The following RCAN1 variants were observed in gnomAD, a reference collection of about 807,000 sequenced individuals.
RCAN1 encodes the protein calcipressin-1.
RCAN1 carries 11 observed loss-of-function variants against 22.9 expected under a neutral mutation model. That is an observed-to-expected ratio of 0.48 (90% CI 0.30 to 0.79). The LOEUF is 0.79. Ranked by LOEUF, RCAN1 falls within the 30% of genes least tolerant of loss-of-function variation. The probability of loss-of-function intolerance (pLI) is 0.06; values close to 1 mark genes in which losing one functional copy is unlikely to be tolerated. For missense variants in RCAN1, 291 were observed against 337.8 expected (o/e 0.86, Z 1.09); for synonymous variants, 136 against 142.3 (o/e 0.96, Z 0.32).
chr21:34,523,619 T>C lies in RCAN1; in HGVS notation c.344A>G (p.Asn115Ser). 1.2e-6 allele frequency: 2 copies of C among 1,614,052 alleles called. No individual in the cohort carries two copies. Among genetic ancestry groups the C allele is most frequent in the East Asian group, 2.2e-5 (1 of 44,874 alleles). Residue 115 changes from asparagine (N) to serine (S), a missense_variant, in exon 2 of 4, where the codon AAC (asparagine) becomes AGC (serine). Coordinates refer to ENST00000313806, the MANE Select transcript of RCAN1 (RefSeq NM_004414.7). ...SFKRVRINFS[N>S]PFSAADARLQ... The stretch of plus-strand genomic sequence containing the variant: ...CCTGGCATCTGCTGCGGAGAAGGGG[T>C]TGCTGAAGTTTATTCTGACTCGTTT...
intron 1 of RCAN1, among the ~76,000 whole-genome samples, chr21:34,571,831 A>C (rs1326442811): frequency 6.6e-6 from 1 of 152,234 alleles, no homozygotes; most frequent in African/African-American, 2.4e-5. Context: ...TACAGGTGTG[A>C]GCCACTGTGC....
Position 34,521,677 on chromosome 21 carries a change from C to T in RCAN1, c.427-19G>A. On this transcript the variant is annotated intron_variant, in intron 2 of 3. Transcript: ENST00000313806. ...GTAAGGTCTGAGGAGAGAAAATAAG[C>T]ACAGGTCAGTTGTTGCCAGGGAAGA... 6.3e-7 allele frequency: 1 copy of T among 1,593,314 alleles called. No individual in the cohort carries two copies. Among genetic ancestry groups the T allele is most frequent in the South Asian group, 1.1e-5 (1 of 87,020 alleles).
intron 1 of RCAN1, among the ~76,000 whole-genome samples, chr21:34,538,576 C>T (rs1038285208): frequency 1.3e-5 from 2 of 152,020 alleles, no homozygotes; most frequent in East Asian, 1.9e-4. Flanking sequence ...GTTATTAGGA[C>T]GAGTGGTGGG....
At chr21:34,531,332 C>T (rs1305290961) in intron 1 of RCAN1, among the ~76,000 whole-genome samples, 1 of 152,194 alleles carries the variant, frequency 6.6e-6, no homozygotes, top group African/African-American at 2.4e-5. Flanking sequence ...CTATGCCCGC[C>T]TTGGGCCAAT....
chr21:34,539,623 G>A (rs1267770117), intron 1 of RCAN1, among the ~76,000 whole-genome samples: 7 of 152,280 alleles, frequency 4.6e-5, no homozygotes, highest in East Asian at 1.9e-4. Flanking sequence ...CAAGGTAACC[G>A]TGGTTAACAG....
chr21:34,558,037 G>T (rs1385583878), intron 1 of RCAN1, among the ~76,000 whole-genome samples: 1 of 152,208 alleles, frequency 6.6e-6, no homozygotes, highest in Non-Finnish European at 1.5e-5. Context: ...AAATAGTGAA[G>T]AATAATCCAT....
intron 2 of RCAN1, chr21:34,521,884 G>A: frequency 1.9e-6 from 1 of 538,518 alleles, no homozygotes; most frequent in Non-Finnish European, 3.3e-6. Context: ...AGGGCTATGG[G>A]AGTCACAGGC....
At chr21:34,595,905 A>C (rs1988134885) in intron 1 of RCAN1, among the ~76,000 whole-genome samples, 1 of 152,212 alleles carries the variant, frequency 6.6e-6, no homozygotes. Context: ...GGGGTCCCCC[A>C]CACAGTCCAT....
chr21:34,536,702 C>T (rs974430448), intron 1 of RCAN1, among the ~76,000 whole-genome samples: 1 of 151,812 alleles, frequency 6.6e-6, no homozygotes, highest in African/African-American at 2.4e-5. Context: ...TGAATGTCAG[C>T]GGAGGAGTAA....
chr21:34,615,021 C>A lies in RCAN1; in HGVS notation c.-10G>T. Reference sequence around the variant, plus strand: ...CCACGCCGTCCTCCATCCCCGCGCCCGCGCGACCCTGTGCGCCCCAGCGGG... The same window carrying A: ...CCACGCCGTCCTCCATCCCCGCGCCAGCGCGACCCTGTGCGCCCCAGCGGG... On this transcript the variant is annotated 5_prime_UTR_variant, in exon 1 of 4. Transcript: ENST00000313806. The A allele has an allele frequency of 9.5e-7, 1 of 1,051,458 alleles. No homozygotes were observed. The highest frequency in any genetic ancestry group is 4.4e-5 in the South Asian group (1 of 22,800). 65.1% of individuals were successfully genotyped at this position (1,051,458 alleles called of 1,614,324 possible). A position where few individuals can be genotyped will look rare whatever the true frequency, so the allele number is the denominator to read the frequency against.
intron 1 of RCAN1, among the ~76,000 whole-genome samples, chr21:34,541,508 T>C (rs1444141587): frequency 6.6e-6 from 1 of 152,260 alleles, no homozygotes; most frequent in Admixed American, 6.5e-5. Context: ...AGGACATATA[T>C]ACTTTACTCA....
Position 34,574,792 on chromosome 21 carries a change from G to T in RCAN1, c.252+39968C>A, listed in dbSNP as rs563815054. 2.0e-5 allele frequency among the ~76,000 whole-genome samples: 3 copies of T among 152,324 alleles called. No homozygotes were observed. The East Asian group carries it at 5.8e-4, about 29-fold the overall frequency. On this transcript the variant is annotated intron_variant, in intron 1 of 3. Coordinates refer to ENST00000313806, the MANE Select transcript of RCAN1 (RefSeq NM_004414.7). Reference sequence around the variant, plus strand: ...CCGCGGCTGAGCACGTTCTCCTCGGGTGCCTCCCGCGTCAGAAGCTAGACC... The same window carrying T: ...CCGCGGCTGAGCACGTTCTCCTCGGTTGCCTCCCGCGTCAGAAGCTAGACC...
At chr21:34,521,251 CG>C in intron 3 of RCAN1, 1 of 1,435,000 alleles carries the variant, frequency 7.0e-7, no homozygotes, top group East Asian at 2.5e-5. Context: ...TGGGACACTG[CG>C]GGGGGTGGAG....
chr21:34,534,792 G>A (rs4817674), intron 1 of RCAN1, among the ~76,000 whole-genome samples: 56,568 of 152,096 alleles, frequency 0.37, 11,560 homozygotes, highest in African/African-American at 0.56. Context: ...GGCCACATGT[G>A]TGCTCTGTGG....
chr21:34,529,843 T>C (rs545212218), intron 1 of RCAN1, among the ~76,000 whole-genome samples: 4 of 152,150 alleles, frequency 2.6e-5, no homozygotes, highest in African/African-American at 4.8e-5. Flanking sequence ...GGGGAGGTAA[T>C]TGAATCATGG....
intron 3 of RCAN1, chr21:34,521,212 T>C (rs1269260760): frequency 1.4e-6 from 2 of 1,404,710 alleles, no homozygotes; most frequent in Non-Finnish European, 1.8e-6. Flanking sequence ...CCACGCAGGC[T>C]GTGCTCAGTG....
At chr21:34,605,931 A>T (rs1988511654) in intron 1 of RCAN1, among the ~76,000 whole-genome samples, 1 of 151,812 alleles carries the variant, frequency 6.6e-6, no homozygotes, top group South Asian at 2.1e-4. Context: ...GAAAAAAAAA[A>T]AAAAAAAAAG....
At chr21:34,588,923 G>C (rs1031836941) in intron 1 of RCAN1, among the ~76,000 whole-genome samples, 1 of 152,194 alleles carries the variant, frequency 6.6e-6, no homozygotes, top group Non-Finnish European at 1.5e-5. Flanking sequence ...AGGTAAGCCA[G>C]TCATGAAAAA....
At chr21:34,594,647 G>A (rs79926884) in intron 1 of RCAN1, among the ~76,000 whole-genome samples, 2,754 of 152,212 alleles carry the variant, frequency 0.018, 75 homozygotes, top group African/African-American at 0.057. Context: ...TTTGACAGTC[G>A]TAATGTGAGG....
Sources: allele counts gnomAD v4.1 joint callset (sites outside exome capture counted in the v4.1 genomes callset), GRCh38; gene constraint gnomAD v4.1.1; transcripts MANE v1.5; gene names NCBI Gene and HGNC (gene_info 2026-07-23, HGNC 2026-07-21).